ST7L: variants seen among roughly 807,000 people sequenced by gnomAD.
The protein encoded by ST7L is suppressor of tumorigenicity 7 protein-like.
In ST7L, 57 loss-of-function variants were observed where a neutral mutation model predicts 72.5. That is an observed-to-expected ratio of 0.79 (90% CI 0.64 to 0.98). The LOEUF (loss-of-function observed/expected upper bound fraction) is 0.98, where lower values mean the gene tolerates loss of function less well. ST7L is among the 50% of genes least tolerant of loss of function. ST7L has a pLI of 0.00. For synonymous variants in ST7L, 221 were observed against 240.9 expected, an observed-to-expected ratio of 0.92 and a Z score of 0.77; for missense variants, 576 against 672.2, an observed-to-expected ratio of 0.86 and a Z score of 1.58.
Position 112,577,358 on chromosome 1 carries a change from G to A in ST7L, c.1143-270C>T, listed in dbSNP as rs555854967. ...AGCCTGACCAACATGGAGAAACCCC[G>A]TCTCTACTACAAATACAAAATTAGC... On this transcript the variant is annotated intron_variant, in intron 10 of 14. Transcript: ENST00000358039. Among the ~76,000 whole-genome samples, 16 of 151,140 alleles carry A rather than the reference G, an allele frequency of 1.1e-4. No homozygotes were observed. In the East Asian group the frequency reaches 1.6e-3, roughly 15 times the overall value.
Position 112,540,461 on chromosome 1 carries a change from C to T in ST7L, c.1629+1490G>A, listed in dbSNP as rs535534728. 247 of 985,400 alleles carry T rather than the reference C, an allele frequency of 2.5e-4. No individual in the cohort carries two copies. The African/African-American group carries it at 2.9e-3, about 11-fold the overall frequency. 61.0% of individuals were successfully genotyped at this position (985,400 alleles called of 1,614,324 possible). A position where few individuals can be genotyped will look rare whatever the true frequency, so the allele number is the denominator to read the frequency against. Reference sequence around the variant, plus strand: ...ATGATCACTAAGTGTTCATTTTACACTGAAAAGAAATAGAATAGTCAGTTT... The same window carrying T: ...ATGATCACTAAGTGTTCATTTTACATTGAAAAGAAATAGAATAGTCAGTTT... On this transcript the variant is annotated intron_variant, in intron 14 of 14. Transcript: ENST00000358039.
intron 7 of ST7L, 71 bp from the exon 8 acceptor site, chr1:112,582,543 C>A: frequency 2.3e-6 from 2 of 864,938 alleles, no homozygotes; most frequent in Non-Finnish European, 1.8e-6. Context: ...ATTAACATAT[C>A]CATTAATTTT....
intron 2 of ST7L, among the ~76,000 whole-genome samples, chr1:112,614,685 G>T (rs984128608): frequency 2.0e-5 from 3 of 151,996 alleles, no homozygotes; most frequent in Admixed American, 6.6e-5. Context: ...GGTGGTTCAC[G>T]CCTGGAACCT....
intron 13 of ST7L, among the ~76,000 whole-genome samples, chr1:112,546,009 T>A (rs1656979313): frequency 6.6e-6 from 1 of 152,120 alleles, no homozygotes; most frequent in African/African-American, 2.4e-5. Flanking sequence ...ATAAATCTGA[T>A]TCTCTCTCCC....
chr1:112,602,132 AT>A (rs1169604603), intron 3 of ST7L, among the ~76,000 whole-genome samples: 1 of 152,016 alleles, frequency 6.6e-6, no homozygotes, highest in Non-Finnish European at 1.5e-5. Context: ...ACTGTAAGAA[AT>A]TGATGAAGGA....
chr1:112,533,130 A>G (rs1237466049), intron 14 of ST7L, among the ~76,000 whole-genome samples: 2 of 152,204 alleles, frequency 1.3e-5, no homozygotes, highest in Non-Finnish European at 2.9e-5. Flanking sequence ...CTGAATCATT[A>G]CAAACCAGGG....
chr1:112,525,937 G>A lies in ST7L; in HGVS notation c.*76C>T. 1 of 1,591,532 alleles carries A rather than the reference G, an allele frequency of 6.3e-7. No individual in the cohort carries two copies. Among genetic ancestry groups the A allele is most frequent in the Non-Finnish European group, 8.6e-7 (1 of 1,165,172 alleles). On this transcript the variant is annotated 3_prime_UTR_variant, in exon 15 of 15. Transcript: ENST00000358039. ...ATCCTCACAACAACCCTGTGAGGTAGGGGTTACTGTCACTTTACAGATGCT... is the reference window on the plus strand; with the variant it reads ...ATCCTCACAACAACCCTGTGAGGTAAGGGTTACTGTCACTTTACAGATGCT...
intron 11 of ST7L, chr1:112,570,681 CT>C (rs1661957262): frequency 4.5e-6 from 2 of 449,386 alleles, no homozygotes; most frequent in Non-Finnish European, 8.9e-6. Flanking sequence ...TGTTTGCTTG[CT>C]TCCAGCTGAC....
At chr1:112,609,504 C>T (rs1355245004) in intron 3 of ST7L, among the ~76,000 whole-genome samples, 1 of 150,172 alleles carries the variant, frequency 6.7e-6, no homozygotes, top group African/African-American at 2.5e-5. Context: ...GCACTCTAGC[C>T]TGGGCTACAG....
intron 14 of ST7L, 96 bp from the exon 15 acceptor site, chr1:112,526,207 CT>C: frequency 6.5e-7 from 1 of 1,542,678 alleles, no homozygotes; most frequent in Non-Finnish European, 8.8e-7. Flanking sequence ...AAGGAACAGC[CT>C]AGGCCCTCCT....
At chr1:112,539,571 G>A (rs1455454140) in intron 14 of ST7L, 1 of 468,286 alleles carries the variant, frequency 2.1e-6, no homozygotes, top group African/African-American at 2.1e-5. Flanking sequence ...CAGGAAAACT[G>A]CTTGAACCTA....
chr1:112,565,841 C>T (rs1219753678), intron 11 of ST7L, among the ~76,000 whole-genome samples: 3 of 151,990 alleles, frequency 2.0e-5, no homozygotes, highest in African/African-American at 7.2e-5. Flanking sequence ...AATGGCAAAA[C>T]CCCATCTCTA....
At position 112,616,899 on chromosome 1, in the gene ST7L, T is replaced by C. The variant is rs1191534147; in HGVS notation, c.206-4A>G. ...AATGAATTTAAAAATACAGTCACTGTCAAAAGAACAAGAATCAAAGTTTTA... is the reference window on the plus strand; with the variant it reads ...AATGAATTTAAAAATACAGTCACTGCCAAAAGAACAAGAATCAAAGTTTTA... On this transcript the variant is annotated splice_region_variant and splice_polypyrimidine_tract_variant and intron_variant, in intron 1 of 14. Coordinates refer to ENST00000358039, the MANE Select transcript of ST7L (RefSeq NM_017744.5). The C allele has an allele frequency of 6.3e-7, 1 of 1,592,478 alleles. No individual in the cohort carries two copies. Among genetic ancestry groups the C allele is most frequent in the Admixed American group, 1.8e-5 (1 of 54,560 alleles).
chr1:112,570,570 T>TACACACACACACACACAC (rs1553248207), intron 11 of ST7L, among the ~76,000 whole-genome samples: 55 of 143,404 alleles, frequency 3.8e-4, no homozygotes, highest in Middle Eastern at 3.5e-3. Context: ...TATATATATA[T>TACACACACACACACACAC]ACACACACAC....
intron 12 of ST7L, among the ~76,000 whole-genome samples, chr1:112,553,865 A>G (rs1457221458): frequency 6.6e-6 from 1 of 152,148 alleles, no homozygotes; most frequent in Non-Finnish European, 1.5e-5. Context: ...ACAGATGTTG[A>G]ATTATTCTTA....
intron 10 of ST7L, among the ~76,000 whole-genome samples, chr1:112,577,391 G>A (rs1321248507): frequency 6.6e-6 from 1 of 151,488 alleles, no homozygotes; most frequent in Non-Finnish European, 1.5e-5. Flanking sequence ...AGCTGGGTGT[G>A]GTGGTGTGTG....
upstream of ST7L, chr1:112,619,281 G>A (rs575679446): frequency 4.0e-5 from 26 of 652,344 alleles, no homozygotes; most frequent in East Asian, 7.1e-4. Flanking sequence ...CTCAAGATTG[G>A]GGCTACCTGT....
chr1:112,575,308 C>G (rs180912937), intron 11 of ST7L, among the ~76,000 whole-genome samples: 1 of 152,324 alleles, frequency 6.6e-6, no homozygotes, highest in East Asian at 1.9e-4. Flanking sequence ...CAGTGGATAT[C>G]TGAAACCACA....
chr1:112,542,112 A>T, intron 13 of ST7L, 22 bp from the exon 14 acceptor site: 1 of 1,563,568 alleles, frequency 6.4e-7, no homozygotes, highest in Non-Finnish European at 8.7e-7. Context: ...AATAGGTAAG[A>T]ATCAATTTTA....
Sources: gnomAD v4.1 joint callset for allele counts (sites outside exome capture counted in the v4.1 genomes callset) on GRCh38, gnomAD v4.1.1 for gene constraint, MANE v1.5 for transcripts, NCBI Gene and HGNC (gene_info 2026-07-23, HGNC 2026-07-21) for gene names.